CNTLN: variants seen among roughly 807,000 people sequenced by gnomAD.
CNTLN encodes centlein, centrosomal protein.
A neutral mutation model predicts 180.0 loss-of-function variants in CNTLN; 212 were observed. The observed-to-expected ratio is 1.18, with a 90% CI of 1.05 to 1.32. CNTLN has a LOEUF of 1.32. Ranked by LOEUF, CNTLN falls within the 40% of genes most tolerant of loss-of-function variation. CNTLN has a pLI of 0.00. For missense variants in CNTLN, 2,095 were observed against 1,610.9 expected, an observed-to-expected ratio of 1.30 and a Z score of -5.14; for synonymous variants, 722 against 563.1, an observed-to-expected ratio of 1.28 and a Z score of -3.99.
chr9:17,159,681 A>G (rs1280903437), intron 2 of CNTLN, among the ~76,000 whole-genome samples: 1 of 152,128 alleles, frequency 6.6e-6, no homozygotes, highest in East Asian at 1.9e-4. Context: ...TGGGAACAGG[A>G]GGAAGAGGGA....
At position 17,135,566 on chromosome 9, in the gene CNTLN, G is replaced by C. The variant is rs1817653859; in HGVS notation, c.360+141G>C. ...CAGATGCACACCCTGCTTCGCTCGCGGCCGGGGGCTGGAGGGACGCGGCTG... is the reference window on the plus strand; with the variant it reads ...CAGATGCACACCCTGCTTCGCTCGCCGCCGGGGGCTGGAGGGACGCGGCTG... On this transcript the variant is annotated intron_variant, in intron 1 of 25. Coordinates refer to ENST00000380647, the MANE Select transcript of CNTLN (RefSeq NM_017738.4). The C allele has an allele frequency of 1.1e-5, 13 of 1,189,276 alleles. No homozygotes were observed. In the South Asian group the frequency reaches 1.6e-4, roughly 15 times the overall value. The allele number at this position is 1,189,276 out of a possible 1,614,324, so 73.7% of individuals were successfully genotyped here. A position where few individuals can be genotyped will look rare whatever the true frequency, so the allele number is the denominator to read the frequency against.
intron 18 of CNTLN, among the ~76,000 whole-genome samples, chr9:17,452,314 C>T (rs1340550544): frequency 6.6e-6 from 1 of 152,220 alleles, no homozygotes; most frequent in Non-Finnish European, 1.5e-5. Flanking sequence ...CTGATGTCCT[C>T]AGACTGCCCC....
the CNTLN span, among the ~76,000 whole-genome samples, chr9:17,517,162 C>G: frequency 0.015 from 2,252 of 152,014 alleles, 63 homozygotes; most frequent in African/African-American, 0.052. Flanking sequence ...GAGGCCGAGA[C>G]GGGTGGATCA....
intron 13 of CNTLN, among the ~76,000 whole-genome samples, chr9:17,377,554 C>A (rs1177514548): frequency 6.6e-6 from 1 of 152,104 alleles, no homozygotes; most frequent in Non-Finnish European, 1.5e-5. Flanking sequence ...AGGAGCAAGA[C>A]TCTGTGTCAA....
chr9:17,366,681 C>T lies in CNTLN; in HGVS notation c.1951C>T (p.Gln651Ter). Reference sequence around the variant, plus strand: ...TATATCTATTGATAAGGCAGCAATACAAGAATTGAATAGATGTGTGGCAGA... The same window carrying T: ...TATATCTATTGATAAGGCAGCAATATAAGAATTGAATAGATGTGTGGCAGA... The part of the protein sequence containing the change: ...VHISIDKAAI[Q>*]ELNRCVAERR... Residue 651 changes from glutamine to a stop codon, truncating the protein, a stop_gained, in exon 13 of 26, where the codon CAA becomes TAA. Transcript: ENST00000380647. LOFTEE classifies it high-confidence loss of function. 1 of 1,585,328 alleles carries T rather than the reference C, an allele frequency of 6.3e-7. No homozygotes were observed. The highest frequency in any genetic ancestry group is 8.6e-7 in the Non-Finnish European group (1 of 1,161,148).
intron 14 of CNTLN, 110 bp downstream of exon 14, chr9:17,388,363 A>C (rs1390590418): frequency 1.5e-6 from 1 of 660,704 alleles, no homozygotes; most frequent in Non-Finnish European, 2.5e-6. Flanking sequence ...GTGAATCCTT[A>C]ATTTAAATTC....
At chr9:17,295,626 G>T (rs182000145) in intron 6 of CNTLN, among the ~76,000 whole-genome samples, 2 of 152,124 alleles carry the variant, frequency 1.3e-5, no homozygotes, top group Non-Finnish European at 1.5e-5. Context: ...GTTTCTAGTC[G>T]GCCATCTTGG....
chr9:17,502,761 G>T lies in CNTLN; in HGVS notation c.*109G>T. ...TATCTGCTCCAACTATCAATAGTCA[G>T]GTTCAATACCAAAATAAGAAGTCTC... On this transcript the variant is annotated 3_prime_UTR_variant, in exon 26 of 26. Coordinates refer to ENST00000380647, the MANE Select transcript of CNTLN (RefSeq NM_017738.4). 2.3e-6 allele frequency: 1 copy of T among 437,082 alleles called. No homozygotes were observed. Among genetic ancestry groups the T allele is most frequent in the Non-Finnish European group, 4.2e-6 (1 of 240,308 alleles). The allele number at this position is 437,082 out of a possible 1,614,324, so 27.1% of individuals were successfully genotyped here. A position where few individuals can be genotyped will look rare whatever the true frequency, so the allele number is the denominator to read the frequency against.
At chr9:17,513,556 G>A in the CNTLN span, among the ~76,000 whole-genome samples, 5 of 152,188 alleles carry the variant, frequency 3.3e-5, 1 homozygote, top group East Asian at 9.7e-4. Context: ...AACTAGCCTG[G>A]TGTGGTGGCA....
chr9:17,272,300 C>T (rs919668808), intron 5 of CNTLN, among the ~76,000 whole-genome samples: 17 of 152,162 alleles, frequency 1.1e-4, no homozygotes, highest in Non-Finnish European at 1.9e-4. Flanking sequence ...TAGTCTCGAT[C>T]AGTTGACCTC....
At chr9:17,498,259 A>G (rs983873285) in intron 25 of CNTLN, among the ~76,000 whole-genome samples, 6 of 152,090 alleles carry the variant, frequency 3.9e-5, no homozygotes, top group African/African-American at 1.4e-4. Context: ...ATGTTTTGCA[A>G]TCATTTAAGC....
At chr9:17,267,021 G>T (rs1160124378) in intron 5 of CNTLN, among the ~76,000 whole-genome samples, 3 of 152,126 alleles carry the variant, frequency 2.0e-5, no homozygotes, top group African/African-American at 4.8e-5. Flanking sequence ...TTTAATTGGA[G>T]CATGTTGCCC....
At chr9:17,416,932 T>G (rs879366652) in intron 18 of CNTLN, among the ~76,000 whole-genome samples, 1 of 152,182 alleles carries the variant, frequency 6.6e-6, no homozygotes, top group Non-Finnish European at 1.5e-5. Context: ...TCACATAATT[T>G]TAAGTTACAC....
intron 2 of CNTLN, among the ~76,000 whole-genome samples, chr9:17,154,654 AGCTAAAG>A (rs1819132705): frequency 6.6e-6 from 1 of 152,208 alleles, no homozygotes; most frequent in Non-Finnish European, 1.5e-5. Flanking sequence ...TTCTCTGTCT[AGCTAAAG>A]GATTGTAAAC....
intron 12 of CNTLN, 138 bp from the exon 13 acceptor site, chr9:17,366,479 A>G (rs1400672908): frequency 4.9e-6 from 2 of 411,710 alleles, no homozygotes; most frequent in Non-Finnish European, 8.8e-6. Context: ...CTTTCATTTT[A>G]CTCTTCTCCA....
chr9:17,395,896 A>T (rs145142176), intron 15 of CNTLN, among the ~76,000 whole-genome samples: 25 of 152,122 alleles, frequency 1.6e-4, no homozygotes, highest in Non-Finnish European at 3.2e-4. Context: ...GCATTTCCAG[A>T]TGGTTAAGGC....
At chr9:17,246,265 C>T (rs146455569) in intron 5 of CNTLN, among the ~76,000 whole-genome samples, 57 of 152,208 alleles carry the variant, frequency 3.7e-4, no homozygotes, top group African/African-American at 1.3e-3. Context: ...TAGAGGGCAC[C>T]GTAAGCCCCG....
intron 2 of CNTLN, among the ~76,000 whole-genome samples, chr9:17,180,217 G>A (rs919737914): frequency 1.4e-5 from 2 of 143,756 alleles, no homozygotes; most frequent in African/African-American, 5.1e-5. Flanking sequence ...TTTTCTGTTT[G>A]CTATCTCTGT....
intron 5 of CNTLN, among the ~76,000 whole-genome samples, chr9:17,244,187 A>G (rs192812938): frequency 4.2e-3 from 606 of 144,662 alleles, no homozygotes; most frequent in Admixed American, 8.8e-3. Flanking sequence ...TTCGATCTGT[A>G]TGTATTTTTA....
Sources: allele counts gnomAD v4.1 joint callset (sites outside exome capture counted in the v4.1 genomes callset), GRCh38; gene constraint gnomAD v4.1.1; transcripts MANE v1.5; gene names NCBI Gene and HGNC (gene_info 2026-07-23, HGNC 2026-07-21).